The following CEP164 variants were observed in gnomAD, a reference collection of about 807,000 sequenced individuals.
CEP164 encodes the protein centrosomal protein of 164 kDa.
Under a neutral mutation model 182.7 loss-of-function variants are expected in CEP164, and 162 were observed. The observed-to-expected ratio is 0.89, with a 90% confidence interval of 0.78 to 1.01. The LOEUF (loss-of-function observed/expected upper bound fraction) is 1.01, where lower values mean the gene tolerates loss of function less well. Ranked by LOEUF, CEP164 falls within the 50% of genes least tolerant of loss-of-function variation. The pLI is 0.00. For missense variants in CEP164, 1,735 were observed against 1,790.4 expected (o/e 0.97, Z 0.56); for synonymous variants, 661 against 690.0 (o/e 0.96, Z 0.66).
At chr11:117,410,156 AG>A in intron 30 of CEP164, 191 bp downstream of exon 30, 1 of 710,570 alleles carries the variant, frequency 1.4e-6, no homozygotes, top group East Asian at 2.7e-5. Flanking sequence ...CTGGGGAAGG[AG>A]ACATTGCAGG....
At chr11:117,387,438 T>G in intron 15 of CEP164, 26 bp downstream of exon 15, 6 of 1,598,578 alleles carry the variant, frequency 3.8e-6, no homozygotes, top group Non-Finnish European at 5.1e-6. Flanking sequence ...TTAGGCATGC[T>G]TCCTGGGGCC....
chr11:117,380,571 G>A, intron 11 of CEP164, 43 bp from the exon 12 acceptor site: 1 of 1,484,244 alleles, frequency 6.7e-7, no homozygotes, highest in Non-Finnish European at 9.2e-7. Context: ...GGACCCAAAT[G>A]CAGTCCCTCC....
intron 27 of CEP164, among the ~76,000 whole-genome samples, chr11:117,401,549 T>C (rs1390717249): frequency 6.6e-6 from 1 of 152,216 alleles, no homozygotes; most frequent in Non-Finnish European, 1.5e-5. Context: ...TCAGAAGGAA[T>C]GGTACCAACT....
At chr11:117,397,008 G>T in intron 26 of CEP164, 83 bp from the exon 27 acceptor site, 1 of 1,254,852 alleles carries the variant, frequency 8.0e-7, no homozygotes, top group African/African-American at 1.5e-5. Context: ...CTCAGGGTTG[G>T]CATCTGCTGG....
intron 3 of CEP164, among the ~76,000 whole-genome samples, chr11:117,341,220 G>A (rs1486322579): frequency 6.6e-6 from 1 of 152,040 alleles, no homozygotes; most frequent in African/African-American, 2.4e-5. Flanking sequence ...AACTTTCTTC[G>A]GCCCAGTCCA....
At chr11:117,373,016 G>A (rs1400442005) in intron 9 of CEP164, among the ~76,000 whole-genome samples, 1 of 152,164 alleles carries the variant, frequency 6.6e-6, no homozygotes. Flanking sequence ...TGGCCTTTTA[G>A]ATTTTTCAAC....
At chr11:117,344,961 C>G (rs896583515) in intron 4 of CEP164, among the ~76,000 whole-genome samples, 1 of 151,792 alleles carries the variant, frequency 6.6e-6, no homozygotes, top group Non-Finnish European at 1.5e-5. Flanking sequence ...AATAAAACTA[C>G]TACTTAAAAA....
intron 27 of CEP164, among the ~76,000 whole-genome samples, chr11:117,402,003 G>A (rs1158223751): frequency 2.6e-5 from 4 of 151,856 alleles, no homozygotes; most frequent in African/African-American, 9.7e-5. Flanking sequence ...GTTATTTCTT[G>A]TCTTCTGCTA....
At chr11:117,407,863 G>C in intron 27 of CEP164, 62 bp from the exon 28 acceptor site, 1 of 1,236,600 alleles carries the variant, frequency 8.1e-7, no homozygotes, top group Non-Finnish European at 1.2e-6. Context: ...GCAAATGGCA[G>C]GGTTGGGACT....
intron 22 of CEP164, 42 bp downstream of exon 22, chr11:117,395,045 T>A (rs1036143185): frequency 6.2e-7 from 1 of 1,612,832 alleles, no homozygotes; most frequent in Non-Finnish European, 8.5e-7. Flanking sequence ...AGTCATAGCT[T>A]CTCTAGCAGA....
chr11:117,410,158 A>G (rs746725887), intron 30 of CEP164, 193 bp downstream of exon 30: 95 of 707,402 alleles, frequency 1.3e-4, no homozygotes, highest in Non-Finnish European at 1.8e-4. Context: ...GGGGAAGGAG[A>G]CATTGCAGGT....
chr11:117,394,398 G>C lies in CEP164; in HGVS notation c.2665G>C (p.Glu889Gln). 1.2e-6 allele frequency: 2 copies of C among 1,612,380 alleles called. No individual in the cohort carries two copies. Among genetic ancestry groups the C allele is most frequent in the Non-Finnish European group, 1.7e-6 (2 of 1,179,376 alleles). ...ELLGHLTGEL[E>Q]RLQRAHEREL... Reference sequence around the variant, plus strand: ...TCTGGGGCACCTGACCGGAGAGCTGGAGCGCCTGCAGAGGGCCCATGAACG... The same window carrying C: ...TCTGGGGCACCTGACCGGAGAGCTGCAGCGCCTGCAGAGGGCCCATGAACG... Residue 889 changes from glutamate (E) to glutamine (Q), a missense_variant, in exon 21 of 33, where the codon GAG (glutamate) becomes CAG (glutamine). Coordinates refer to ENST00000278935, the MANE Select transcript of CEP164 (RefSeq NM_014956.5). This position sits in a 1 kb window ranked among gnomAD's most constrained non-coding sequence, Gnocchi z 4.0.
intron 2 of CEP164, among the ~76,000 whole-genome samples, chr11:117,338,233 C>T (rs948181): frequency 0.21 from 32,287 of 151,952 alleles, 3,543 homozygotes; most frequent in Admixed American, 0.26. Flanking sequence ...ATTTTGGTGT[C>T]ACTAGGATTT....
rs970415722 is a variant in CEP164, at chr11:117,411,467, A to C, written c.4164-328A>C. ...GTACCCCCCACTAACCCTTTGGCCAACTTGAGAGCTGATGCTGGCCAAGGA... is the reference window on the plus strand; with the variant it reads ...GTACCCCCCACTAACCCTTTGGCCACCTTGAGAGCTGATGCTGGCCAAGGA... On this transcript the variant is annotated intron_variant, in intron 31 of 32. Transcript: ENST00000278935. The surrounding 1 kb of genome is among the most constrained non-coding windows in gnomAD (Gnocchi z 4.4). 1 of 323,504 alleles carries C rather than the reference A, an allele frequency of 3.1e-6. No homozygotes were observed. Among genetic ancestry groups the C allele is most frequent in the Non-Finnish European group, 5.8e-6 (1 of 171,752 alleles). The allele number at this position is 323,504 out of a possible 1,614,324, so 20.0% of individuals were successfully genotyped here. A position where few individuals can be genotyped will look rare whatever the true frequency, so the allele number is the denominator to read the frequency against.
intron 5 of CEP164, chr11:117,354,994 G>A (rs1028703385): frequency 7.0e-6 from 9 of 1,289,420 alleles, no homozygotes; most frequent in Admixed American, 2.3e-5. Flanking sequence ...TGTCTCCTCC[G>A]TCAGCACCTG....
In CEP164 at chr11:117,408,849, C is replaced by T. The variant is rs367778480; in HGVS notation, c.3610-41C>T. The T allele has an allele frequency of 6.6e-5, 107 of 1,612,008 alleles. No individual in the cohort carries two copies. The African/African-American group carries it at 1.2e-3, about 18-fold the overall frequency. Reference sequence around the variant, plus strand: ...AAGGAAAAAGGAAGGGTAGAAAGCACGTGGGAGAGGTGGGTCATAACTGCT... The same window carrying T: ...AAGGAAAAAGGAAGGGTAGAAAGCATGTGGGAGAGGTGGGTCATAACTGCT... On this transcript the variant is annotated intron_variant, in intron 28 of 32. Transcript: ENST00000278935.
chr11:117,367,427 T>G (rs2041765680), intron 8 of CEP164, among the ~76,000 whole-genome samples: 1 of 152,256 alleles, frequency 6.6e-6, no homozygotes, highest in African/African-American at 2.4e-5. Flanking sequence ...TGTGAAAATT[T>G]TCTTTTGAAG....
intron 10 of CEP164, among the ~76,000 whole-genome samples, chr11:117,374,936 A>G (rs575124907): frequency 6.6e-6 from 1 of 152,338 alleles, no homozygotes; most frequent in Admixed American, 6.5e-5. Context: ...CAGGGATCTT[A>G]GGCTCAGAGA....
At chr11:117,359,416 AC>A in intron 5 of CEP164, 1 of 985,430 alleles carries the variant, frequency 1.0e-6, no homozygotes, top group East Asian at 1.1e-4. Flanking sequence ...TCCTTCACAA[AC>A]ATGTTCTACA....
Sources: gnomAD v4.1 joint callset for allele counts (sites outside exome capture counted in the v4.1 genomes callset) on GRCh38, gnomAD v4.1.1 for gene constraint, Gnocchi (gnomAD v3.1) non-coding constraint, MANE v1.5 for transcripts, NCBI Gene and HGNC (gene_info 2026-07-23, HGNC 2026-07-21) for gene names.